SARNP: variants seen among roughly 807,000 people sequenced by gnomAD.
The protein encoded by SARNP is SAP domain-containing ribonucleoprotein.
SARNP carries 5 observed loss-of-function variants against 38.1 expected under a neutral mutation model. The observed-to-expected ratio is 0.13, with a 90% CI of 0.07 to 0.28. The LOEUF is 0.28. Among genes scored for constraint, SARNP ranks in the 10% least tolerant of loss-of-function variants. The probability of loss-of-function intolerance (pLI) is 1.00; values close to 1 mark genes in which losing one functional copy is unlikely to be tolerated. For synonymous variants in SARNP, 84 were observed against 80.6 expected (o/e 1.04, Z -0.23); for missense variants, 180 against 243.9 (o/e 0.74, Z 1.75).
chr12:55,757,305 TA>T lies in SARNP; in HGVS notation c.*206del. The T allele has an allele frequency of 2.4e-6, 1 of 408,462 alleles. No individual in the cohort carries two copies. The highest frequency in any genetic ancestry group is 4.4e-6 in the Non-Finnish European group (1 of 228,104). The allele number at this position is 408,462 out of a possible 1,614,324, so 25.3% of individuals were successfully genotyped here. ...TATTTTTTTTTATTAACAAGCAACATAATCAAAAACAAAAACACAACAACCT... is the reference window on the plus strand; with the variant it reads ...TATTTTTTTTTATTAACAAGCAACATATCAAAAACAAAAACACAACAACCT... On this transcript the variant is annotated 3_prime_UTR_variant, in exon 11 of 11. Transcript: ENST00000336133.
intron 4 of SARNP, among the ~76,000 whole-genome samples, chr12:55,796,879 T>C (rs959697672): frequency 2.4e-4 from 36 of 151,896 alleles, no homozygotes; most frequent in Non-Finnish European, 2.9e-5. Context: ...GTGAAACAAA[T>C]AAAAATGCCA....
chr12:55,807,646 C>CAAAA (rs768134544), intron 1 of SARNP, among the ~76,000 whole-genome samples: 2 of 75,406 alleles, frequency 2.7e-5, no homozygotes, highest in Admixed American at 1.3e-4. Flanking sequence ...ACTAAAAATA[C>CAAAA]AAAAAAAAAA....
intron 2 of SARNP, among the ~76,000 whole-genome samples, chr12:55,802,951 T>C (rs1367120791): frequency 7.0e-6 from 1 of 142,054 alleles, no homozygotes; most frequent in Admixed American, 7.1e-5. Flanking sequence ...CAATACTTAG[T>C]GAAAAAAATG....
intron 2 of SARNP, among the ~76,000 whole-genome samples, chr12:55,802,603 A>C (rs1253537972): frequency 6.6e-6 from 1 of 151,944 alleles, no homozygotes; most frequent in African/African-American, 2.4e-5. Flanking sequence ...TTAGGCTTGG[A>C]TCTCACCCCC....
chr12:55,754,513 G>A (rs1878441217), downstream of SARNP: 1 of 152,174 alleles, frequency 6.6e-6, no homozygotes. Context: ...TGGGCTTGAG[G>A]GAGTGAATGG....
At chr12:55,775,518 C>T (rs772560509) in intron 9 of SARNP, among the ~76,000 whole-genome samples, 1 of 136,270 alleles carries the variant, frequency 7.3e-6, no homozygotes, top group African/African-American at 2.8e-5. Context: ...GCTGGGATCG[C>T]GCTCTGTCTC....
At chr12:55,774,916 T>G (rs974205420) in intron 9 of SARNP, among the ~76,000 whole-genome samples, 2 of 139,554 alleles carry the variant, frequency 1.4e-5, no homozygotes, top group African/African-American at 5.5e-5. Flanking sequence ...AGATGGAGTC[T>G]CGCTCTGTCG....
Position 55,794,675 on chromosome 12 carries a change from CA to C in SARNP, c.377+131del, listed in dbSNP as rs146371642. ...TCAGTAGACATGTTCTGAATAGGGTCAAAAAAGTGTTCATATCCTTCAGCAA... is the reference window on the plus strand; with the variant it reads ...TCAGTAGACATGTTCTGAATAGGGTCAAAAAGTGTTCATATCCTTCAGCAA... On this transcript the variant is annotated intron_variant, in intron 6 of 10. Transcript: ENST00000336133. 2,483 of 663,508 alleles carry C rather than the reference CA, an allele frequency of 3.7e-3. 50 individuals are homozygous for C. The highest frequency in any genetic ancestry group is 0.037 in the African/African-American group (2,030 of 54,264). The allele number at this position is 663,508 out of a possible 1,614,324, so 41.1% of individuals were successfully genotyped here. A position where few individuals can be genotyped will look rare whatever the true frequency, so the allele number is the denominator to read the frequency against.
At chr12:55,817,531 C>T (rs1312175853) in intron 1 of SARNP, 135 bp downstream of exon 1, 7 of 779,176 alleles carry the variant, frequency 9.0e-6, no homozygotes. Flanking sequence ...AAGGGTGGCA[C>T]AAAAGAGCTA....
chr12:55,790,930 A>G (rs890778957), intron 7 of SARNP, among the ~76,000 whole-genome samples: 2 of 152,258 alleles, frequency 1.3e-5, no homozygotes, highest in African/African-American at 4.8e-5. Context: ...CATATTAGAC[A>G]AAAAGTTAAA....
chr12:55,807,924 A>G (rs1392003678), intron 1 of SARNP, among the ~76,000 whole-genome samples: 3 of 152,050 alleles, frequency 2.0e-5, no homozygotes, highest in African/African-American at 7.2e-5. Context: ...ATTACACTTT[A>G]AATTTTTTGT....
chr12:55,771,782 T>C (rs1475216721), intron 9 of SARNP, among the ~76,000 whole-genome samples: 1 of 152,076 alleles, frequency 6.6e-6, no homozygotes, highest in African/African-American at 2.4e-5. Flanking sequence ...TAAGGTAGCA[T>C]GGCAAAAAGG....
intron 4 of SARNP, 44 bp downstream of exon 4, chr12:55,800,518 G>C: frequency 1.6e-6 from 2 of 1,275,004 alleles, no homozygotes; most frequent in Non-Finnish European, 2.2e-6. Context: ...ATTAAGAAAA[G>C]AGCTGCCTGC....
At chr12:55,795,922 T>C in intron 5 of SARNP, 103 bp downstream of exon 5, 1 of 840,428 alleles carries the variant, frequency 1.2e-6, no homozygotes, top group South Asian at 1.7e-5. Context: ...CCAATACTGA[T>C]TTTCTGCCTG....
chr12:55,817,511 C>G (rs1880530719), intron 1 of SARNP, among the ~76,000 whole-genome samples, 155 bp downstream of exon 1: 1 of 152,148 alleles, frequency 6.6e-6, no homozygotes, highest in African/African-American at 2.4e-5. Flanking sequence ...TTAGGGAAGG[C>G]GTAGTGTGGA....
intron 1 of SARNP, among the ~76,000 whole-genome samples, chr12:55,815,038 A>C (rs535979847): frequency 3.9e-5 from 6 of 152,264 alleles, no homozygotes; most frequent in African/African-American, 1.2e-4. Flanking sequence ...TCTCTTTATG[A>C]CAATGGAGAG....
At chr12:55,813,129 A>G (rs1285419913) in intron 1 of SARNP, among the ~76,000 whole-genome samples, 2 of 152,056 alleles carry the variant, frequency 1.3e-5, no homozygotes, top group Admixed American at 6.6e-5. Flanking sequence ...TATTTTTAGT[A>G]GAGATGGGGT....
chr12:55,762,979 G>C (rs1382053323), intron 9 of SARNP, among the ~76,000 whole-genome samples: 1 of 152,198 alleles, frequency 6.6e-6, no homozygotes, highest in African/African-American at 2.4e-5. Flanking sequence ...TGAGTAGGAA[G>C]AGACCTAAGA....
intron 1 of SARNP, 135 bp from the exon 2 acceptor site, chr12:55,803,863 C>A: frequency 1.3e-5 from 8 of 593,898 alleles, no homozygotes; most frequent in Non-Finnish European, 3.0e-6. Flanking sequence ...TCTACCAAGG[C>A]TCTAGGTCCA....
Sources: allele counts gnomAD v4.1 joint callset (sites outside exome capture counted in the v4.1 genomes callset), GRCh38; gene constraint gnomAD v4.1.1; transcripts MANE v1.5; gene names NCBI Gene and HGNC (gene_info 2026-07-23, HGNC 2026-07-21).